Variants in TRIM67 observed in about 807,000 individuals in gnomAD.
TRIM67 encodes the protein tripartite motif-containing protein 67.
A neutral mutation model predicts 71.0 loss-of-function variants in TRIM67; 39 were observed. The observed-to-expected ratio is 0.55, with a 90% CI of 0.43 to 0.72. TRIM67 has a LOEUF of 0.72. TRIM67 is among the 30% of genes least tolerant of loss of function. The pLI is 0.00. For missense variants in TRIM67, 973 were observed against 1,079.2 expected (o/e 0.90, Z 1.38); for synonymous variants, 481 against 473.9 (o/e 1.01, Z -0.19).
At chr1:231,178,990 T>C (rs1682830203) in intron 1 of TRIM67, among the ~76,000 whole-genome samples, 1 of 152,248 alleles carries the variant, frequency 6.6e-6, no homozygotes, top group Non-Finnish European at 1.5e-5. Flanking sequence ...AATATGATTT[T>C]CTGTGAATAT....
In TRIM67 at chr1:231,220,159, A is replaced by T; in HGVS notation, c.*4719A>T. ...CTAATGATTCCCATTCAGTGACTCAAACCTGTGGGGGGCGTTCCAGTGTTC... is the reference window on the plus strand; with the variant it reads ...CTAATGATTCCCATTCAGTGACTCATACCTGTGGGGGGCGTTCCAGTGTTC... On this transcript the variant is annotated 3_prime_UTR_variant, in exon 10 of 10. Coordinates refer to ENST00000366653, the MANE Select transcript of TRIM67 (RefSeq NM_001004342.5). 1 of 392,176 alleles carries T rather than the reference A, an allele frequency of 2.5e-6. No individual in the cohort carries two copies. The highest frequency in any genetic ancestry group is 4.8e-6 in the Non-Finnish European group (1 of 208,444). 24.3% of individuals were successfully genotyped at this position (392,176 alleles called of 1,614,324 possible).
chr1:231,186,813 A>G (rs1017831380), intron 1 of TRIM67, among the ~76,000 whole-genome samples: 3 of 152,184 alleles, frequency 2.0e-5, no homozygotes, highest in Non-Finnish European at 4.4e-5. Context: ...ATTGAGCAGT[A>G]TCTCCAACCA....
chr1:231,192,566 C>T (rs1227258892), intron 1 of TRIM67, among the ~76,000 whole-genome samples: 1 of 152,248 alleles, frequency 6.6e-6, no homozygotes, highest in Non-Finnish European at 1.5e-5. Flanking sequence ...CTGATTTCCA[C>T]AATGCTATTC....
intron 1 of TRIM67, chr1:231,184,880 C>T (rs999974692): frequency 2.6e-6 from 2 of 771,878 alleles, no homozygotes; most frequent in Non-Finnish European, 2.0e-6. Context: ...CACGAAGTCT[C>T]ACAGAGGGCA....
At position 231,163,485 on chromosome 1, in the gene TRIM67, C is replaced by CCTGCGCGG; in HGVS notation, c.519_526dup (p.Phe176CysfsTer144). ...GCAGCGCATCCCTGGACCACCGCGGCCTGCGCGGCTTCCAGCGCAACCGGC... is the reference window on the plus strand; with the variant it reads ...GCAGCGCATCCCTGGACCACCGCGGCCTGCGCGGCTGCGCGGCTTCCAGCGCAACCGGC... On this transcript the variant is annotated frameshift_variant, in exon 1 of 10. Transcript: ENST00000366653. LOFTEE classifies it high-confidence loss of function. 6.6e-7 allele frequency: 1 copy of CCTGCGCGG among 1,525,980 alleles called. No individual in the cohort carries two copies. The highest frequency in any genetic ancestry group is 8.8e-7 in the Non-Finnish European group (1 of 1,142,844). 94.5% of individuals were successfully genotyped at this position (1,525,980 alleles called of 1,614,324 possible). A position where few individuals can be genotyped will look rare whatever the true frequency, so the allele number is the denominator to read the frequency against.
At chr1:231,167,619 G>A (rs1287030243) in intron 1 of TRIM67, among the ~76,000 whole-genome samples, 1 of 106,356 alleles carries the variant, frequency 9.4e-6, no homozygotes, top group African/African-American at 6.0e-5. Context: ...ACCGCGCCCG[G>A]CCGTCTTTTT....
chr1:231,200,408 C>T (rs1298711927), intron 4 of TRIM67, 150 bp downstream of exon 4: 3 of 591,656 alleles, frequency 5.1e-6, no homozygotes, highest in Admixed American at 2.8e-5. Flanking sequence ...TAGGCTCTCA[C>T]CTTGGCTCTG....
At position 231,162,257 on chromosome 1, in the gene TRIM67, G is replaced by A. The variant is rs147458815; in HGVS notation, c.-713G>A. 9,139 of 152,390 alleles carry A rather than the reference G, an allele frequency of 0.06. 478 individuals carry two copies. Among genetic ancestry groups the A allele is most frequent in the East Asian group, 0.26 (1,321 of 5,154 alleles). 9.4% of individuals were successfully genotyped at this position (152,390 alleles called of 1,614,324 possible). The stretch of plus-strand genomic sequence containing the variant: ...CCGGCCGCAGGGAGAAAGCCCCAGG[G>A]CGCAGTCAGCCGGCGTCCACAGCCG... On this transcript the variant is annotated 5_prime_UTR_variant, in exon 1 of 10. Transcript: ENST00000366653.
At chr1:231,195,349 C>A (rs897274859) in intron 1 of TRIM67, among the ~76,000 whole-genome samples, 7 of 152,230 alleles carry the variant, frequency 4.6e-5, no homozygotes, top group African/African-American at 1.7e-4. Flanking sequence ...TCAGTACCCA[C>A]AGGCAGCTAG....
chr1:231,217,352 A>T lies in TRIM67; in HGVS notation c.*1912A>T. ...AGCGGTTTCTGGGTCTCCTCCTCCCATCCCAGAGCCCTGTCCAGAGCTCTT... is the reference window on the plus strand; with the variant it reads ...AGCGGTTTCTGGGTCTCCTCCTCCCTTCCCAGAGCCCTGTCCAGAGCTCTT... On this transcript the variant is annotated 3_prime_UTR_variant, in exon 10 of 10. Transcript: ENST00000366653. The T allele has an allele frequency of 1.0e-6, 1 of 984,042 alleles. No homozygotes were observed. The highest frequency in any genetic ancestry group is 1.2e-6 in the Non-Finnish European group (1 of 829,818). The allele number at this position is 984,042 out of a possible 1,614,324, so 61.0% of individuals were successfully genotyped here.
At chr1:231,174,786 T>C (rs1682702294) in intron 1 of TRIM67, among the ~76,000 whole-genome samples, 1 of 152,244 alleles carries the variant, frequency 6.6e-6, no homozygotes, top group African/African-American at 2.4e-5. Flanking sequence ...GTTGTTTTTC[T>C]TTCTTTTTAA....
Position 231,163,713 on chromosome 1 carries a change from T to A in TRIM67, c.744T>A (p.His248Gln). Residue 248 changes from histidine to glutamine, a missense_variant, in exon 1 of 10, where the codon CAT becomes CAA. Coordinates refer to ENST00000366653, the MANE Select transcript of TRIM67 (RefSeq NM_001004342.5). ...CHPSRGPFAK[H>Q]RLVQPPPPPP... The stretch of plus-strand genomic sequence containing the variant: ...CATCCCGGGGACCCTTCGCCAAGCA[T>A]CGCCTGGTGCAGCCGCCGCCGCCGC... The A allele has an allele frequency of 4.0e-6, 6 of 1,504,528 alleles. No individual in the cohort carries two copies. The highest frequency in any genetic ancestry group is 1.8e-4 in the Middle Eastern group (1 of 5,442). 93.2% of individuals were successfully genotyped at this position (1,504,528 alleles called of 1,614,324 possible).
chr1:231,197,260 C>A, intron 1 of TRIM67, 111 bp from the exon 2 acceptor site: 1 of 758,270 alleles, frequency 1.3e-6, no homozygotes, highest in Non-Finnish European at 2.2e-6. Context: ...ACAGCAGATG[C>A]GTGGGATCAG....
chr1:231,171,337 A>C (rs1052781595), intron 1 of TRIM67, among the ~76,000 whole-genome samples: 4 of 152,174 alleles, frequency 2.6e-5, no homozygotes, highest in African/African-American at 9.7e-5. Context: ...GTTAGAGCAG[A>C]GGGGCCTGAG....
intron 1 of TRIM67, among the ~76,000 whole-genome samples, chr1:231,195,790 G>A (rs75499040): frequency 0.049 from 7,450 of 152,256 alleles, 201 homozygotes; most frequent in South Asian, 0.063. Context: ...CCCCCTGGAG[G>A]GCTTGGTAAA....
At position 231,207,991 on chromosome 1, in the gene TRIM67, T is replaced by C. The variant is rs575210472; in HGVS notation, c.1820-956T>C. Among the ~76,000 whole-genome samples the C allele has an allele frequency of 4.8e-4, 72 of 151,556 alleles. No individual in the cohort carries two copies. The South Asian group carries it at 0.014, about 29-fold the overall frequency. On this transcript the variant is annotated intron_variant, in intron 7 of 9. Transcript: ENST00000366653. ...TCCCACCCATGAGGTGGCTCATCAATATCGATTTCCTCCTGTACTTTTTTT... is the reference window on the plus strand; with the variant it reads ...TCCCACCCATGAGGTGGCTCATCAACATCGATTTCCTCCTGTACTTTTTTT...
Position 231,215,881 on chromosome 1 carries a change from G to T in TRIM67, c.*441G>T. The T allele has an allele frequency of 1.0e-6, 1 of 996,728 alleles. No individual in the cohort carries two copies. 61.7% of individuals were successfully genotyped at this position (996,728 alleles called of 1,614,324 possible). A position where few individuals can be genotyped will look rare whatever the true frequency, so the allele number is the denominator to read the frequency against. ...ACGCCCCGGGTGTTGGCCCTCCGTGGGGACCTTGCCTCCTCAGAGTCCCGA... is the reference window on the plus strand; with the variant it reads ...ACGCCCCGGGTGTTGGCCCTCCGTGTGGACCTTGCCTCCTCAGAGTCCCGA... On this transcript the variant is annotated 3_prime_UTR_variant, in exon 10 of 10. Transcript: ENST00000366653.
chr1:231,191,227 C>T (rs1683220720), intron 1 of TRIM67, among the ~76,000 whole-genome samples: 1 of 152,182 alleles, frequency 6.6e-6, no homozygotes, highest in Non-Finnish European at 1.5e-5. Flanking sequence ...CCACACTCAG[C>T]TAATTTTTGT....
chr1:231,189,883 G>A (rs61114396), intron 1 of TRIM67, among the ~76,000 whole-genome samples: 8,703 of 152,148 alleles, frequency 0.057, 442 homozygotes, highest in East Asian at 0.24. Flanking sequence ...GGAAGGGGCC[G>A]CAAGCCAAGG....
Sources: allele counts gnomAD v4.1 joint callset (sites outside exome capture counted in the v4.1 genomes callset), GRCh38; gene constraint gnomAD v4.1.1; transcripts MANE v1.5; gene names NCBI Gene and HGNC (gene_info 2026-07-23, HGNC 2026-07-21).